The following SLC17A6 variants were observed in gnomAD, a reference collection of about 807,000 sequenced individuals.
SLC17A6 encodes the protein vesicular glutamate transporter 2.
A neutral mutation model predicts 67.1 loss-of-function variants in SLC17A6; 35 were observed. The observed-to-expected ratio is 0.52, with a 90% CI of 0.40 to 0.69. The LOEUF (loss-of-function observed/expected upper bound fraction) is 0.69. SLC17A6 is among the 30% of genes least tolerant of loss of function. The pLI, the probability that SLC17A6 is intolerant of heterozygous loss-of-function variation, is 0.00. For synonymous variants in SLC17A6, 285 were observed against 252.3 expected (o/e 1.13, Z -1.23); for missense variants, 588 against 723.9 (o/e 0.81, Z 2.15).
rs1218218450 is a variant in SLC17A6 at position 22,379,229 on chromosome 11, A to G, written c.*1489A>G. ...ATTTCCCAATTCAACTCAAAATATT[A>G]TTGGTGTATTTTGTCTATTCTGGAT... On this transcript the variant is annotated 3_prime_UTR_variant, in exon 12 of 12. Transcript: ENST00000263160. The G allele has an allele frequency of 1.3e-5, 2 of 152,506 alleles. No individual in the cohort carries two copies. The highest frequency in any genetic ancestry group is 6.6e-5 in the Admixed American group (1 of 15,266). The allele number at this position is 152,506 out of a possible 1,614,324, so 9.4% of individuals were successfully genotyped here. A position where few individuals can be genotyped will look rare whatever the true frequency, so the allele number is the denominator to read the frequency against.
chr11:22,364,626 C>A (rs933064780), intron 6 of SLC17A6, among the ~76,000 whole-genome samples: 14 of 148,738 alleles, frequency 9.4e-5, no homozygotes, highest in African/African-American at 3.3e-4. Flanking sequence ...TGTTAGGAAA[C>A]CCTTCTTGGA....
At position 22,377,180 on chromosome 11, in the gene SLC17A6, A is replaced by G. The variant is rs183635509; in HGVS notation, c.1414-225A>G. ...TATTTTAAAAATCAGCAGGCCATAG[A>G]TATATTTGTAATTTTATTTCTAAAC... On this transcript the variant is annotated intron_variant, in intron 11 of 11. Transcript: ENST00000263160. Among the ~76,000 whole-genome samples the G allele has an allele frequency of 1.5e-3, 236 of 152,332 alleles. 1 individual carries two copies. The highest frequency in any genetic ancestry group is 3.4e-4 in the Non-Finnish European group (23 of 68,028).
rs140485737 is a variant in SLC17A6, at chr11:22,376,211, T to C, written c.1285+119T>C. The C allele has an allele frequency of 3.5e-4, 206 of 586,476 alleles. 1 individual carries two copies. The East Asian group carries it at 6.1e-3, about 17-fold the overall frequency. The allele number at this position is 586,476 out of a possible 1,614,324, so 36.3% of individuals were successfully genotyped here. ...TATATATATTCTATATGTTGAATAA[T>C]AGTCAAATATTTCCACTAGAAAATG... is the stretch of plus-strand genomic sequence containing the variant. On this transcript the variant is annotated intron_variant, in intron 10 of 11. Transcript: ENST00000263160.
At chr11:22,341,093 C>G (rs1442563122) in intron 1 of SLC17A6, among the ~76,000 whole-genome samples, 1 of 152,180 alleles carries the variant, frequency 6.6e-6, no homozygotes, top group Non-Finnish European at 1.5e-5. Flanking sequence ...GAGGACACCG[C>G]GGTAGTCAGG....
At chr11:22,343,089 G>A in intron 2 of SLC17A6, 158 bp from the exon 3 acceptor site, 2 of 721,202 alleles carry the variant, frequency 2.8e-6, no homozygotes, top group East Asian at 2.5e-5. Context: ...CGTTGCAAGA[G>A]GCAATTTTGT....
intron 5 of SLC17A6, 57 bp downstream of exon 5, chr11:22,361,041 T>A (rs1856046896): frequency 4.7e-6 from 7 of 1,487,458 alleles, no homozygotes; most frequent in Admixed American, 1.8e-5. Flanking sequence ...ACAACTTGAA[T>A]AAGAATTGAA....
rs1856249695 is a variant in SLC17A6, at chr11:22,377,870, A to G, written c.*130A>G. The G allele has an allele frequency of 1.4e-6, 1 of 738,986 alleles. No individual in the cohort carries two copies. The highest frequency in any genetic ancestry group is 2.2e-6 in the Non-Finnish European group (1 of 463,544). The allele number at this position is 738,986 out of a possible 1,614,324, so 45.8% of individuals were successfully genotyped here. A position where few individuals can be genotyped will look rare whatever the true frequency, so the allele number is the denominator to read the frequency against. On this transcript the variant is annotated 3_prime_UTR_variant, in exon 12 of 12. Coordinates refer to ENST00000263160, the MANE Select transcript of SLC17A6 (RefSeq NM_020346.3). ...GGCAAGTCTTGCTGTAAAAATGAAA[A>G]CAAAACAAACCCATGAGGTTACCAT...
chr11:22,356,308 G>C (rs918591276), intron 3 of SLC17A6, among the ~76,000 whole-genome samples: 1 of 152,148 alleles, frequency 6.6e-6, no homozygotes, highest in East Asian at 1.9e-4. Context: ...ATTGAATGGG[G>C]AGGCTGCTTC....
rs1217806613 is a variant in SLC17A6, at chr11:22,339,073, ATATG to A, written c.86+456_86+459del. The stretch of plus-strand genomic sequence containing the variant: ...AAAGAGTAATGGTTTATATATATAT[ATATG>A]TTATATATATATGTTATATATATAT... On this transcript the variant is annotated intron_variant, in intron 1 of 11. Coordinates refer to ENST00000263160, the MANE Select transcript of SLC17A6 (RefSeq NM_020346.3). Among the ~76,000 whole-genome samples the A allele has an allele frequency of 5.4e-5, 6 of 111,632 alleles. 1 individual carries two copies. Among genetic ancestry groups the A allele is most frequent in the Admixed American group, 1.9e-4 (2 of 10,588 alleles). 73.2% of individuals were successfully genotyped at this position (111,632 alleles called of 152,430 possible).
In SLC17A6 at chr11:22,377,713, C is replaced by G. The variant is rs143861002; in HGVS notation, c.1722C>G (p.Ser574Arg). Residue 574 changes from serine to arginine, a missense_variant, in exon 12 of 12, where the codon AGC (serine) becomes AGG (arginine). Physicochemically the swap from Ser to Arg is moderately radical, Grantham distance 110. Coordinates refer to ENST00000263160, the MANE Select transcript of SLC17A6 (RefSeq NM_020346.3). ...FVQGEVQDSHSYKDRVDYS is the reference protein window; with the variant it reads ...FVQGEVQDSHRYKDRVDYS ...AAGGAGAAGTACAAGACTCACATAG[C>G]TATAAGGACCGAGTTGATTATTCAT... 1.7e-3 allele frequency: 2,728 copies of G among 1,588,916 alleles called. 3 individuals carry two copies. The highest frequency in any genetic ancestry group is 2.4e-3 in the Middle Eastern group (14 of 5,924).
Position 22,377,618 on chromosome 11 carries a change from T to C in SLC17A6, c.1627T>C (p.Ser543Pro). 1 of 1,614,076 alleles carries C rather than the reference T, an allele frequency of 6.2e-7. No individual in the cohort carries two copies. The highest frequency in any genetic ancestry group is 8.5e-7 in the Non-Finnish European group (1 of 1,179,984). The stretch of plus-strand genomic sequence containing the variant: ...TTATATAAATTATGGTACCACCAAG[T>C]CTTATGGTGCCACAACACAGGCCAA... ...QNYINYGTTK[S>P]YGATTQANGG... Residue 543 changes from serine to proline, a missense_variant, in exon 12 of 12, where the codon TCT becomes CCT. By Grantham distance (74) the Ser-to-Pro change is moderately conservative. This residue lies in a region of SLC17A6 where 414 missense variants were observed against 563.4 expected (regional missense o/e 0.73). Transcript: ENST00000263160.
intron 3 of SLC17A6, among the ~76,000 whole-genome samples, chr11:22,345,381 G>T (rs1053295948): frequency 3.3e-5 from 5 of 151,240 alleles, no homozygotes; most frequent in African/African-American, 1.2e-4. Flanking sequence ...GCACGAACTG[G>T]GCTCACTGCA....
chr11:22,350,677 C>T (rs987600954), intron 3 of SLC17A6, among the ~76,000 whole-genome samples: 4 of 151,956 alleles, frequency 2.6e-5, no homozygotes, highest in African/African-American at 9.7e-5. Flanking sequence ...TTCCCCAGCC[C>T]AATTACTGAC....
At chr11:22,361,183 G>T in intron 5 of SLC17A6, 199 bp downstream of exon 5, 1 of 474,444 alleles carries the variant, frequency 2.1e-6, no homozygotes, top group Non-Finnish European at 3.7e-6. Flanking sequence ...TCTTGTGTTT[G>T]TATTTTTCTA....
rs754074940 is a variant in SLC17A6, at chr11:22,365,573, T to G, written c.775T>G (p.Phe259Val). The stretch of plus-strand genomic sequence containing the variant: ...AAGCTTTGGAATGGTCTGGTACATG[T>G]TTTGGCTTTTGGTGTCTTATGAAAG... ...YGSFGMVWYM[F>V]WLLVSYESPA... The change falls in exon 7 of 12, where the codon TTT (phenylalanine) becomes GTT (valine). Residue 259 changes from phenylalanine (F) to valine (V), a missense_variant. By Grantham distance (50) the Phe-to-Val change is conservative. Coordinates refer to ENST00000263160, the MANE Select transcript of SLC17A6 (RefSeq NM_020346.3). 6.2e-7 allele frequency: 1 copy of G among 1,614,014 alleles called. No individual in the cohort carries two copies. Among genetic ancestry groups the G allele is most frequent in the South Asian group, 1.1e-5 (1 of 91,080 alleles).
intron 4 of SLC17A6, among the ~76,000 whole-genome samples, chr11:22,360,093 G>A (rs1856032877): frequency 7.0e-6 from 1 of 143,648 alleles, no homozygotes; most frequent in Admixed American, 6.9e-5. Flanking sequence ...GATAAATAAT[G>A]TAAAATATTA....
At chr11:22,371,016 G>T (rs1430192432) in intron 8 of SLC17A6, among the ~76,000 whole-genome samples, 6 of 152,072 alleles carry the variant, frequency 3.9e-5, no homozygotes, top group Non-Finnish European at 8.8e-5. Context: ...TTGAAATGAT[G>T]GGGAAACAGA....
intron 7 of SLC17A6, among the ~76,000 whole-genome samples, chr11:22,366,378 A>G (rs1414308182): frequency 6.6e-6 from 1 of 152,180 alleles, no homozygotes; most frequent in African/African-American, 2.4e-5. Flanking sequence ...TAAGTTTAAT[A>G]CATGTGTATT....
chr11:22,366,775 C>A (rs186961026), intron 7 of SLC17A6, among the ~76,000 whole-genome samples: 1 of 151,902 alleles, frequency 6.6e-6, no homozygotes, highest in Non-Finnish European at 1.5e-5. Context: ...GAGGCCGAGG[C>A]GGGTGGATTG....
Sources: gnomAD v4.1 joint callset for allele counts (sites outside exome capture counted in the v4.1 genomes callset) on GRCh38, gnomAD v4.1.1 for gene constraint, gnomAD v4.1.1 regional missense constraint, MANE v1.5 for transcripts, NCBI Gene and HGNC (gene_info 2026-07-23, HGNC 2026-07-21) for gene names.